The following ABCC9 variants were observed in gnomAD, a reference collection of about 807,000 sequenced individuals.
The protein encoded by ABCC9 is ATP-binding cassette sub-family C member 9.
ABCC9 carries 95 observed loss-of-function variants against 188.3 expected under a neutral mutation model. That is an observed-to-expected ratio of 0.50 (90% CI 0.43 to 0.60). The LOEUF is 0.60. Among genes scored for constraint, ABCC9 ranks in the 20% least tolerant of loss-of-function variants. The pLI is 0.00. For missense variants in ABCC9, 1,102 were observed against 1,876.3 expected (o/e 0.59, Z 7.62); for synonymous variants, 659 against 652.7 (o/e 1.01, Z -0.15).
chr12:21,938,932 C>T (rs1591764451), intron 2 of ABCC9, among the ~76,000 whole-genome samples: 1 of 152,126 alleles, frequency 6.6e-6, no homozygotes, highest in Non-Finnish European at 1.5e-5. Context: ...AATTCTATGC[C>T]ATTAACTAAT....
intron 36 of ABCC9, among the ~76,000 whole-genome samples, chr12:21,811,605 C>A (rs1942244147): frequency 6.6e-6 from 1 of 151,008 alleles, no homozygotes. Flanking sequence ...TGGTGGGAAA[C>A]CCTGAACCAG....
intron 37 of ABCC9, 33 bp downstream of exon 37, chr12:21,809,819 A>G: frequency 3.1e-6 from 4 of 1,298,068 alleles, no homozygotes; most frequent in Non-Finnish European, 4.5e-6. Flanking sequence ...AATGGCATAT[A>G]TAAAAAATAA....
chr12:21,843,164 A>G (rs1394096566), intron 28 of ABCC9, among the ~76,000 whole-genome samples: 2 of 152,280 alleles, frequency 1.3e-5, no homozygotes, highest in Middle Eastern at 3.4e-3. Context: ...CCAAGATTCT[A>G]AAACTATTTT....
intron 18 of ABCC9, 68 bp from the exon 19 acceptor site, chr12:21,864,545 C>A: frequency 9.1e-7 from 1 of 1,092,942 alleles, no homozygotes; most frequent in South Asian, 1.3e-5. Context: ...GCATACACGT[C>A]AGGTAAGAGA....
chr12:21,872,864 A>T lies in ABCC9; in HGVS notation c.2093-134T>A. The stretch of plus-strand genomic sequence containing the variant: ...TGATCTCCAGCAGTAAGGTATTCTA[A>T]ACAGCTCCTTTCTCTGATAAGTCTT... On this transcript the variant is annotated intron_variant, in intron 17 of 39. Transcript: ENST00000261200. 3 of 701,380 alleles carry T rather than the reference A, an allele frequency of 4.3e-6. No individual in the cohort carries two copies. The Admixed American group carries it at 6.5e-5, about 15-fold the overall frequency. The allele number at this position is 701,380 out of a possible 1,614,324, so 43.4% of individuals were successfully genotyped here.
At position 21,910,955 on chromosome 12, in the gene ABCC9, C is replaced by T. The variant is rs72559752; in HGVS notation, c.1035G>A (p.Lys345=). The change falls in exon 9 of 40, where the codon AAG becomes AAA. Residue 345 remains lysine (K), a synonymous_variant. Coordinates refer to ENST00000261200, the MANE Select transcript of ABCC9 (RefSeq NM_020297.4). ...TTGISETLSS[K]EFLENAYVLA... ...GAACGTAAGCGTTTTCAAGAAATTC[C>T]TTTGATGAGAGGGTTTCTGAAATCT... The T allele has an allele frequency of 6.2e-7, 1 of 1,612,114 alleles. No homozygotes were observed. Among genetic ancestry groups the T allele is most frequent in the Non-Finnish European group, 8.5e-7 (1 of 1,178,646 alleles).
intron 16 of ABCC9, among the ~76,000 whole-genome samples, chr12:21,877,416 A>G (rs1946417123): frequency 1.3e-5 from 2 of 152,236 alleles, no homozygotes; most frequent in Admixed American, 1.3e-4. Context: ...TAGGCTGAAG[A>G]TCAAAAAAAC....
intron 39 of ABCC9, chr12:21,805,065 T>A: frequency 6.6e-7 from 1 of 1,520,432 alleles, no homozygotes; most frequent in Non-Finnish European, 9.1e-7. Flanking sequence ...GTTAGTTCCC[T>A]CATCTCAGCC....
intron 14 of ABCC9, among the ~76,000 whole-genome samples, chr12:21,891,711 C>G (rs561560669): frequency 6.6e-5 from 10 of 152,314 alleles, no homozygotes; most frequent in Admixed American, 5.2e-4. Flanking sequence ...TTATCCCATT[C>G]TAACCCACCA....
Position 21,809,960 on chromosome 12 carries a change from A to G in ABCC9, c.4212-5T>C. The G allele has an allele frequency of 1.3e-6, 2 of 1,574,046 alleles. No individual in the cohort carries two copies. Among genetic ancestry groups the G allele is most frequent in the South Asian group, 1.1e-5 (1 of 90,316 alleles). On this transcript the variant is annotated splice_region_variant and splice_polypyrimidine_tract_variant and intron_variant, in intron 36 of 39. Transcript: ENST00000261200. ...CACTCTGGATCTAAATTAAATCTGT[A>G]GGGAAAAATTAGTTAATTAGTCAAT...
chr12:21,914,232 G>T (rs372723389), intron 7 of ABCC9, among the ~76,000 whole-genome samples: 1 of 152,106 alleles, frequency 6.6e-6, no homozygotes, highest in Non-Finnish European at 1.5e-5. Context: ...TTCCAGTGTT[G>T]TTGAGAATCC....
At chr12:21,931,434 G>C (rs544613028) in intron 4 of ABCC9, among the ~76,000 whole-genome samples, 2 of 151,220 alleles carry the variant, frequency 1.3e-5, no homozygotes, top group Non-Finnish European at 2.9e-5. Flanking sequence ...ATGATGTTTC[G>C]AAAAGCCTGA....
At chr12:21,816,366 G>A (rs1298021750) in intron 33 of ABCC9, among the ~76,000 whole-genome samples, 1 of 152,050 alleles carries the variant, frequency 6.6e-6, no homozygotes, top group Non-Finnish European at 1.5e-5. Context: ...TTGGGGAATT[G>A]TCCAGTAGGT....
chr12:21,935,282 C>G (rs1344737970), intron 3 of ABCC9, among the ~76,000 whole-genome samples: 1 of 152,124 alleles, frequency 6.6e-6, no homozygotes, highest in Non-Finnish European at 1.5e-5. Context: ...TCATGGCCTA[C>G]AAATAATACT....
intron 30 of ABCC9, among the ~76,000 whole-genome samples, chr12:21,837,386 A>G (rs1209964191): frequency 6.6e-6 from 1 of 152,164 alleles, no homozygotes; most frequent in African/African-American, 2.4e-5. Flanking sequence ...GGTTAGAAAA[A>G]TCTCTGGTTA....
chr12:21,834,786 T>TACACACACACAC (rs61211269), intron 30 of ABCC9, among the ~76,000 whole-genome samples: 35 of 141,602 alleles, frequency 2.5e-4, no homozygotes, highest in Middle Eastern at 3.5e-3. Context: ...TATAACATTA[T>TACACACACACAC]ACACACACAC....
At chr12:21,871,814 C>T (rs1296589244) in intron 18 of ABCC9, among the ~76,000 whole-genome samples, 1 of 152,114 alleles carries the variant, frequency 6.6e-6, no homozygotes, top group African/African-American at 2.4e-5. Context: ...CAGACATTGC[C>T]AAATGTCCCC....
At chr12:21,896,415 C>T (rs1475562483) in intron 12 of ABCC9, among the ~76,000 whole-genome samples, 5 of 152,116 alleles carry the variant, frequency 3.3e-5, no homozygotes, top group African/African-American at 1.2e-4. Flanking sequence ...TCTGCCTCAA[C>T]CTTCTTTCTC....
chr12:21,803,395 CA>C (rs1941603334), intron 39 of ABCC9, among the ~76,000 whole-genome samples: 1 of 152,030 alleles, frequency 6.6e-6, no homozygotes, highest in South Asian at 2.1e-4. Context: ...CAGTGGCTCA[CA>C]CCTGTAATCC....
Sources: gnomAD v4.1 joint callset for allele counts (sites outside exome capture counted in the v4.1 genomes callset) on GRCh38, gnomAD v4.1.1 for gene constraint, MANE v1.5 for transcripts, NCBI Gene and HGNC (gene_info 2026-07-23, HGNC 2026-07-21) for gene names.